The following MBD2 variants were observed in gnomAD, a reference collection of about 807,000 sequenced individuals.
MBD2 encodes the protein methyl-CpG binding domain protein 2, also known as methyl-CpG-binding domain protein 2.
In MBD2, 9 loss-of-function variants were observed where a neutral mutation model predicts 39.3. The ratio of observed to expected loss-of-function variants is 0.23; its 90% confidence interval spans 0.14 to 0.40. MBD2 has a LOEUF of 0.40. Ranked by LOEUF, MBD2 falls within the 10% of genes least tolerant of loss-of-function variation. The pLI, the probability that MBD2 is intolerant of heterozygous loss-of-function variation, is 1.00. For missense variants in MBD2, 458 were observed against 532.6 expected (o/e 0.86, Z 1.38); for synonymous variants, 233 against 211.1 (o/e 1.10, Z -0.90).
At chr18:54,182,638 C>T (rs189259979) in intron 3 of MBD2, among the ~76,000 whole-genome samples, 117 of 152,258 alleles carry the variant, frequency 7.7e-4, no homozygotes, top group African/African-American at 2.7e-3. Context: ...ACACTATTAA[C>T]ACTATCAGAC....
rs538267168 is a variant in MBD2, at chr18:54,160,945, T to C, written c.1110-1042A>G. On this transcript the variant is annotated intron_variant, in intron 5 of 6. Coordinates refer to ENST00000256429, the MANE Select transcript of MBD2 (RefSeq NM_003927.5). ...AAAGATGCAGACAGGGAGATGAAGA[T>C]GCAACAAGGAATATACAAAGGGTTC... Among the ~76,000 whole-genome samples, 4 of 149,546 alleles carry C rather than the reference T, an allele frequency of 2.7e-5. No homozygotes were observed. In the South Asian group the frequency reaches 8.5e-4, roughly 32 times the overall value.
At chr18:54,180,196 G>A (rs574886764) in intron 3 of MBD2, among the ~76,000 whole-genome samples, 3 of 152,116 alleles carry the variant, frequency 2.0e-5, no homozygotes, top group South Asian at 2.1e-4. Flanking sequence ...AAAGCTTACT[G>A]GAGGAATACC....
At chr18:54,222,244 C>CT (rs557392755) in intron 1 of MBD2, 7 of 414,788 alleles carry the variant, frequency 1.7e-5, no homozygotes, top group South Asian at 3.5e-5. Context: ...GAAAACTAAT[C>CT]TTTTTTTAAC....
At position 54,154,455 on chromosome 18, in the gene MBD2, G is replaced by A. The variant is rs1287942985; in HGVS notation, c.*869C>T. 1.3e-5 allele frequency: 2 copies of A among 152,280 alleles called. No homozygotes were observed. Among genetic ancestry groups the A allele is most frequent in the East Asian group, 3.9e-4 (2 of 5,178 alleles). 9.4% of individuals were successfully genotyped at this position (152,280 alleles called of 1,614,324 possible). On this transcript the variant is annotated 3_prime_UTR_variant, in exon 7 of 7. Coordinates refer to ENST00000256429, the MANE Select transcript of MBD2 (RefSeq NM_003927.5). Reference sequence around the variant, plus strand: ...CTGATAACTCAGTAAGCTAGTGGACGTTAGAGAGTGCCAAACATTCTTTAA... The same window carrying A: ...CTGATAACTCAGTAAGCTAGTGGACATTAGAGAGTGCCAAACATTCTTTAA...
chr18:54,153,603 A>C lies in MBD2; in HGVS notation c.*1721T>G, dbSNP rs2086034693. On this transcript the variant is annotated 3_prime_UTR_variant, in exon 7 of 7. Transcript: ENST00000256429. ...GTGAAGTTACCCCAACCCTGATCAC[A>C]AATGAAGAATCGTGGACTCGGGGGA... 6.6e-6 allele frequency: 1 copy of C among 152,242 alleles called. No homozygotes were observed. Among genetic ancestry groups the C allele is most frequent in the Admixed American group, 6.5e-5 (1 of 15,280 alleles). 9.4% of individuals were successfully genotyped at this position (152,242 alleles called of 1,614,324 possible). A position where few individuals can be genotyped will look rare whatever the true frequency, so the allele number is the denominator to read the frequency against.
chr18:54,213,095 G>GT (rs2086523594), intron 1 of MBD2, among the ~76,000 whole-genome samples: 1 of 72,204 alleles, frequency 1.4e-5, no homozygotes, highest in Non-Finnish European at 2.8e-5. Context: ...CGGGGGGGGG[G>GT]ATTATTTTTA....
chr18:54,182,126 G>C (rs1483485107), intron 3 of MBD2, among the ~76,000 whole-genome samples: 1 of 151,830 alleles, frequency 6.6e-6, no homozygotes, highest in Non-Finnish European at 1.5e-5. Flanking sequence ...CCATTGTTTA[G>C]AAAAGTACAA....
chr18:54,209,857 A>G (rs746542184), intron 1 of MBD2, among the ~76,000 whole-genome samples: 9 of 152,220 alleles, frequency 5.9e-5, no homozygotes, highest in Non-Finnish European at 1.2e-4. Flanking sequence ...AGTCTTACCC[A>G]AAGTGATTAA....
In MBD2 at chr18:54,152,410, A is replaced by ATC. The variant is rs2086027393; in HGVS notation, c.*2913_*2914insGA. On this transcript the variant is annotated 3_prime_UTR_variant, in exon 7 of 7. Coordinates refer to ENST00000256429, the MANE Select transcript of MBD2 (RefSeq NM_003927.5). ...ACAGACAAGCAGGGATCAGATCAAG[A>ATC]AGAGCCTTTTGACCATTCTTCCATT... 6.6e-6 allele frequency: 1 copy of ATC among 152,280 alleles called. No homozygotes were observed. Among genetic ancestry groups the ATC allele is most frequent in the Admixed American group, 6.5e-5 (1 of 15,284 alleles). The allele number at this position is 152,280 out of a possible 1,614,324, so 9.4% of individuals were successfully genotyped here.
intron 2 of MBD2, among the ~76,000 whole-genome samples, chr18:54,199,178 T>C (rs890720575): frequency 1.3e-5 from 2 of 152,228 alleles, no homozygotes; most frequent in Admixed American, 1.3e-4. Flanking sequence ...ATTGTGTTTC[T>C]AGTCTCTCAT....
At chr18:54,213,852 ATGTG>A (rs946744123) in intron 1 of MBD2, among the ~76,000 whole-genome samples, 11 of 152,166 alleles carry the variant, frequency 7.2e-5, no homozygotes, top group Non-Finnish European at 1.6e-4. Flanking sequence ...ATGTAGGTAT[ATGTG>A]TGTGTGTATA....
chr18:54,182,248 A>G (rs1429766021), intron 3 of MBD2, among the ~76,000 whole-genome samples: 1 of 152,254 alleles, frequency 6.6e-6, no homozygotes, highest in Non-Finnish European at 1.5e-5. Context: ...AAAGCAATGA[A>G]TAACCTAATA....
chr18:54,169,144 T>C (rs182333142), intron 3 of MBD2, among the ~76,000 whole-genome samples: 206 of 152,246 alleles, frequency 1.4e-3, no homozygotes, highest in Non-Finnish European at 1.9e-3. Context: ...AGCAACTTCT[T>C]TGGGGTGCTA....
At chr18:54,202,665 A>G in intron 2 of MBD2, 1 of 1,004,250 alleles carries the variant, frequency 1.0e-6, no homozygotes. Context: ...ATGAAAATGA[A>G]AGGTATTTCC....
At chr18:54,201,811 T>C (rs146088671) in intron 2 of MBD2, among the ~76,000 whole-genome samples, 4,772 of 146,478 alleles carry the variant, frequency 0.033, 254 homozygotes, top group African/African-American at 0.11. Context: ...TGCAGTAAGC[T>C]GAGATGGCAC....
At chr18:54,156,841 G>A (rs960686925) in intron 6 of MBD2, among the ~76,000 whole-genome samples, 1 of 151,680 alleles carries the variant, frequency 6.6e-6, no homozygotes, top group Admixed American at 6.6e-5. Flanking sequence ...TGACAAGAGC[G>A]AAACTCCATC....
At chr18:54,208,575 G>A (rs2086472506) in intron 1 of MBD2, among the ~76,000 whole-genome samples, 1 of 152,204 alleles carries the variant, frequency 6.6e-6, no homozygotes, top group Admixed American at 6.5e-5. Context: ...CTCTAGAGTA[G>A]ACACCTTATT....
chr18:54,220,674 A>G (rs904104131), intron 1 of MBD2, among the ~76,000 whole-genome samples: 2 of 152,222 alleles, frequency 1.3e-5, no homozygotes, highest in African/African-American at 4.8e-5. Flanking sequence ...CTTTTAGCAG[A>G]TAGTGGGTGT....
In MBD2 at chr18:54,164,844, A is replaced by G. The variant is rs1254451744; in HGVS notation, c.932-144T>C. Reference sequence around the variant, plus strand: ...ATAAGACAAAGCAGCAAAAGATAATATATCTACTTAATAGATATGACACAC... The same window carrying G: ...ATAAGACAAAGCAGCAAAAGATAATGTATCTACTTAATAGATATGACACAC... On this transcript the variant is annotated intron_variant, in intron 4 of 6. Transcript: ENST00000256429. 2.9e-5 allele frequency: 17 copies of G among 585,760 alleles called. No homozygotes were observed. The East Asian group carries it at 4.4e-4, about 15-fold the overall frequency. 36.3% of individuals were successfully genotyped at this position (585,760 alleles called of 1,614,324 possible).
Sources: allele counts gnomAD v4.1 joint callset (sites outside exome capture counted in the v4.1 genomes callset), GRCh38; gene constraint gnomAD v4.1.1; transcripts MANE v1.5; gene names NCBI Gene and HGNC (gene_info 2026-07-23, HGNC 2026-07-21).